Variants in CYP4A11 observed in about 807,000 individuals in gnomAD.
The protein encoded by CYP4A11 is cytochrome P450 4A11.
In CYP4A11, 52 loss-of-function variants were observed where a neutral mutation model predicts 57.7. That is an observed-to-expected ratio of 0.90 (90% CI 0.72 to 1.14). CYP4A11 has a LOEUF of 1.14. CYP4A11 is among the 50% of genes most tolerant of loss of function. The probability of loss-of-function intolerance (pLI) is 0.00; values close to 1 mark genes in which losing one functional copy is unlikely to be tolerated. For missense variants in CYP4A11, 641 were observed against 642.1 expected, an observed-to-expected ratio of 1.00 and a Z score of 0.02; for synonymous variants, 228 against 247.1, an observed-to-expected ratio of 0.92 and a Z score of 0.72.
intron 9 of CYP4A11, among the ~76,000 whole-genome samples, 180 bp from the exon 10 acceptor site, chr1:46,933,227 T>G (rs887652452): frequency 6.6e-6 from 1 of 152,316 alleles, no homozygotes; most frequent in African/African-American, 2.4e-5. Flanking sequence ...TGAGTTCAGA[T>G]GATGAATAGA....
rs200658809 is a variant in CYP4A11 at position 46,941,443 on chromosome 1, C to A, written c.-10G>T. On this transcript the variant is annotated 5_prime_UTR_variant, in exon 1 of 12. Transcript: ENST00000310638. Reference sequence around the variant, plus strand: ...GCACAGAGACACTCATGGTGCAGCACCTGCTGGATCTCTGAGTGCCCCTAC... The same window carrying A: ...GCACAGAGACACTCATGGTGCAGCAACTGCTGGATCTCTGAGTGCCCCTAC... The A allele has an allele frequency of 6.2e-6, 10 of 1,611,882 alleles. No homozygotes were observed. The highest frequency in any genetic ancestry group is 8.5e-6 in the Non-Finnish European group (10 of 1,178,438).
Position 46,932,081 on chromosome 1 carries a change from C to T in CYP4A11, c.1364+680G>A, listed in dbSNP as rs1209372815. 3 of 979,094 alleles carry T rather than the reference C, an allele frequency of 3.1e-6. No individual in the cohort carries two copies. In the East Asian group the frequency reaches 3.4e-4, roughly 111 times the overall value. The allele number at this position is 979,094 out of a possible 1,614,324, so 60.7% of individuals were successfully genotyped here. A position where few individuals can be genotyped will look rare whatever the true frequency, so the allele number is the denominator to read the frequency against. On this transcript the variant is annotated intron_variant, in intron 11 of 11. Transcript: ENST00000310638. ...TTACAGGACTATGGTATAAAGATCTCAAGGCATGTACAGAATTTGTCAAAC... is the reference window on the plus strand; with the variant it reads ...TTACAGGACTATGGTATAAAGATCTTAAGGCATGTACAGAATTTGTCAAAC...
rs1024115567 is a variant in CYP4A11 at position 46,932,373 on chromosome 1, G to A, written c.1364+388C>T. On this transcript the variant is annotated intron_variant, in intron 11 of 11. Transcript: ENST00000310638. ...GCTGCATTGAGGATGTGTGGGGGGAGAGAAATCTACAGTTTACTATTCCTG... is the reference window on the plus strand; with the variant it reads ...GCTGCATTGAGGATGTGTGGGGGGAAAGAAATCTACAGTTTACTATTCCTG... 1.5e-5 allele frequency: 17 copies of A among 1,102,852 alleles called. No individual in the cohort carries two copies. The African/African-American group carries it at 2.3e-4, about 15-fold the overall frequency. 68.3% of individuals were successfully genotyped at this position (1,102,852 alleles called of 1,614,324 possible).
chr1:46,929,435 A>G lies in CYP4A11; in HGVS notation c.*680T>C, dbSNP rs1680877144. 1 of 151,192 alleles carries G rather than the reference A, an allele frequency of 6.6e-6. No individual in the cohort carries two copies. 9.4% of individuals were successfully genotyped at this position (151,192 alleles called of 1,614,324 possible). Reference sequence around the variant, plus strand: ...GAGAGAAAGTGGGTCCAGGGCGCCAAAGCTAAGGATGGAGGCTGTGAAGGC... The same window carrying G: ...GAGAGAAAGTGGGTCCAGGGCGCCAGAGCTAAGGATGGAGGCTGTGAAGGC... On this transcript the variant is annotated 3_prime_UTR_variant, in exon 12 of 12. Transcript: ENST00000310638.
chr1:46,936,761 G>A lies in CYP4A11; in HGVS notation c.413C>T (p.Thr138Ile). The A allele has an allele frequency of 6.2e-7, 1 of 1,613,770 alleles. No individual in the cohort carries two copies. The highest frequency in any genetic ancestry group is 8.5e-7 in the Non-Finnish European group (1 of 1,179,902). Reference sequence around the variant, plus strand: ...CAGCATCCGTCGATGCTGGAACCATGTCTGCCCATTCAACAGGAGCAAGCC... The same window carrying A: ...CAGCATCCGTCGATGCTGGAACCATATCTGCCCATTCAACAGGAGCAAGCC... ...GYGLLLLNGQ[T>I]WFQHRRMLTP... Residue 138 changes from threonine to isoleucine, a missense_variant, in exon 4 of 12, where the codon ACA (threonine) becomes ATA (isoleucine). Physicochemically the swap from Thr to Ile is moderately conservative, Grantham distance 89. Coordinates refer to ENST00000310638, the MANE Select transcript of CYP4A11 (RefSeq NM_000778.4).
rs186780775 is a variant in CYP4A11, at chr1:46,932,982, C to A, written c.1287+1G>T. ...ATTTCCTCCTCTCAAGGACCACATA[C>A]CTCTGGGTTGGGCCACACTTTTGGG... On this transcript the variant is annotated splice_donor_variant, in intron 10 of 11. Transcript: ENST00000310638. LOFTEE classifies it high-confidence loss of function. 61 of 1,614,066 alleles carry A rather than the reference C, an allele frequency of 3.8e-5. No individual in the cohort carries two copies. Among genetic ancestry groups the A allele is most frequent in the Non-Finnish European group, 4.7e-5 (55 of 1,180,042 alleles).
chr1:46,934,049 G>A lies in CYP4A11; in HGVS notation c.1119C>T (p.Thr373=). 2.5e-6 allele frequency: 4 copies of A among 1,613,596 alleles called. No individual in the cohort carries two copies. Among genetic ancestry groups the A allele is most frequent in the Non-Finnish European group, 3.4e-6 (4 of 1,179,878 alleles). The change falls in exon 9 of 12, where the codon ACC becomes ACT. Residue 373 remains threonine, a synonymous_variant. Transcript: ENST00000310638. ...WNHLDQMPYT[T]MCIKEALRLY... ...GCCTCAGTGCCTCCTTAATGCACAT[G>A]GTGGTGTAGGGCATCTGGTCCAGGT...
chr1:46,937,845 T>G, intron 2 of CYP4A11, 151 bp downstream of exon 2: 1 of 1,251,504 alleles, frequency 8.0e-7, no homozygotes. Context: ...TATTTTTGAC[T>G]ATAGCCTGGG....
chr1:46,930,406 T>C lies in CYP4A11; in HGVS notation c.1365-96A>G, dbSNP rs1680948615. 5.1e-6 allele frequency: 7 copies of C among 1,376,842 alleles called. No individual in the cohort carries two copies. In the Admixed American group the frequency reaches 1.5e-4, roughly 30 times the overall value. 85.3% of individuals were successfully genotyped at this position (1,376,842 alleles called of 1,614,324 possible). On this transcript the variant is annotated intron_variant, in intron 11 of 11. Transcript: ENST00000310638. ...CCTGACCCCAGCCCTGAGCTGGACATTCAGTGCCCAACCTCATGTGTCCAG... is the reference window on the plus strand; with the variant it reads ...CCTGACCCCAGCCCTGAGCTGGACACTCAGTGCCCAACCTCATGTGTCCAG...
intron 4 of CYP4A11, among the ~76,000 whole-genome samples, chr1:46,935,988 T>G (rs1029206731): frequency 1.3e-5 from 2 of 152,254 alleles, no homozygotes; most frequent in African/African-American, 2.4e-5. Context: ...TGGGGGACTC[T>G]TCAGTGTTCT....
chr1:46,930,348 C>T (rs1420395825), intron 11 of CYP4A11, 38 bp from the exon 12 acceptor site: 4 of 1,584,934 alleles, frequency 2.5e-6, no homozygotes, highest in Non-Finnish European at 3.4e-6. Context: ...GAAGTGTCCT[C>T]AGGCCCCATT....
At position 46,932,985 on chromosome 1, in the gene CYP4A11, C is replaced by G. The variant is rs1343185691; in HGVS notation, c.1285G>C (p.Glu429Gln). 6.2e-7 allele frequency: 1 copy of G among 1,614,070 alleles called. No individual in the cohort carries two copies. Among genetic ancestry groups the G allele is most frequent in the Non-Finnish European group, 8.5e-7 (1 of 1,180,050 alleles). The change falls in exon 10 of 12, where the codon GAG becomes CAG. Residue 429 changes from glutamate (E) to glutamine (Q), a missense_variant and splice_region_variant. Transcript: ENST00000310638. ...HHNPKVWPNP[E>Q]VFDPFRFAPG... is the part of the protein sequence containing the mutation. Reference sequence around the variant, plus strand: ...TCCTCCTCTCAAGGACCACATACCTCTGGGTTGGGCCACACTTTTGGGTTG... The same window carrying G: ...TCCTCCTCTCAAGGACCACATACCTGTGGGTTGGGCCACACTTTTGGGTTG...
chr1:46,940,600 C>A (rs1449621703), intron 1 of CYP4A11: 2 of 902,672 alleles, frequency 2.2e-6, no homozygotes, highest in Non-Finnish European at 2.7e-6. Context: ...AGGCTGCCCC[C>A]CTCATGTGTA....
chr1:46,934,929 G>T, intron 6 of CYP4A11, 71 bp downstream of exon 6: 1 of 1,571,446 alleles, frequency 6.4e-7, no homozygotes, highest in Non-Finnish European at 8.6e-7. Context: ...GGCCTTCTCT[G>T]GCTGAGGAGT....
chr1:46,934,879 C>T (rs1262481110), intron 6 of CYP4A11, 121 bp downstream of exon 6: 1 of 1,498,108 alleles, frequency 6.7e-7, no homozygotes, highest in Non-Finnish European at 8.9e-7. Flanking sequence ...AAGGGAATTC[C>T]CCAGGCTGAG....
chr1:46,938,288 C>A lies in CYP4A11; in HGVS notation c.196-151G>T, dbSNP rs769695974. The A allele has an allele frequency of 8.1e-4, 975 of 1,207,690 alleles. 1 individual carries two copies. The highest frequency in any genetic ancestry group is 9.5e-4 in the Non-Finnish European group (824 of 863,262). The allele number at this position is 1,207,690 out of a possible 1,614,324, so 74.8% of individuals were successfully genotyped here. A position where few individuals can be genotyped will look rare whatever the true frequency, so the allele number is the denominator to read the frequency against. ...CTGAGCTGTGATCCAGATTCTTGCT[C>A]TCTCCCCAGGACTTGACCTTAGGCC... On this transcript the variant is annotated intron_variant, in intron 1 of 11. Transcript: ENST00000310638.
At chr1:46,939,329 G>A (rs1041918482) in intron 1 of CYP4A11, among the ~76,000 whole-genome samples, 9 of 152,290 alleles carry the variant, frequency 5.9e-5, no homozygotes, top group Non-Finnish European at 7.4e-5. Context: ...CAGGCACTGC[G>A]TTAGGATACA....
chr1:46,934,214 C>T lies in CYP4A11; in HGVS notation c.1050G>A (p.Glu350=). ...CTCCATCACCCAGGAGGCTGTGGAT[C>T]TCCTCCCGGCACCTCTCCTGATGCT... ...HPKHQERCRE[E]IHSLLGDGAS... The change falls in exon 8 of 12, where the codon GAG becomes GAA. Residue 350 remains glutamate, a synonymous_variant. Coordinates refer to ENST00000310638, the MANE Select transcript of CYP4A11 (RefSeq NM_000778.4). The T allele has an allele frequency of 6.2e-7, 1 of 1,613,910 alleles. No homozygotes were observed. Among genetic ancestry groups the T allele is most frequent in the African/African-American group, 1.3e-5 (1 of 74,988 alleles).
chr1:46,939,070 C>T (rs933055738), intron 1 of CYP4A11, among the ~76,000 whole-genome samples: 1 of 152,210 alleles, frequency 6.6e-6, no homozygotes, highest in Non-Finnish European at 1.5e-5. Flanking sequence ...CAAGACTCAG[C>T]TTTGCTTTAA....
Sources: allele counts gnomAD v4.1 joint callset (sites outside exome capture counted in the v4.1 genomes callset), GRCh38; gene constraint gnomAD v4.1.1; transcripts MANE v1.5; gene names NCBI Gene and HGNC (gene_info 2026-07-23, HGNC 2026-07-21).